Variants in TRAK1 observed in about 807,000 individuals in gnomAD.
TRAK1 encodes trafficking kinesin protein 1, also known as trafficking kinesin-binding protein 1.
TRAK1 carries 33 observed loss-of-function variants against 92.1 expected under a neutral mutation model. The observed-to-expected ratio is 0.36, with a 90% CI of 0.27 to 0.48. The LOEUF is 0.48. TRAK1 is among the 20% of genes least tolerant of loss of function. The pLI is 0.99. For synonymous variants in TRAK1, 521 were observed against 517.3 expected, an observed-to-expected ratio of 1.01 and a Z score of -0.10; for missense variants, 1,123 against 1,257.9, an observed-to-expected ratio of 0.89 and a Z score of 1.62.
chr3:42,185,765 G>T (rs1438958541), intron 4 of TRAK1, among the ~76,000 whole-genome samples: 2 of 146,544 alleles, frequency 1.4e-5, no homozygotes, highest in Admixed American at 1.4e-4. Flanking sequence ...TCCACCCCCC[G>T]AGTTCAAGCT....
chr3:42,209,747 C>T lies in TRAK1; in HGVS notation c.1745-20C>T, dbSNP rs1190680061. The T allele has an allele frequency of 1.9e-6, 3 of 1,609,450 alleles. No individual in the cohort carries two copies. The highest frequency in any genetic ancestry group is 2.5e-6 in the Non-Finnish European group (3 of 1,176,498). The stretch of plus-strand genomic sequence containing the variant: ...TCTCTTCTCCTTGTCCCCCTTCTTC[C>T]CTTCCCTTTCTCCTGCAAGGTTCCG... On this transcript the variant is annotated intron_variant, in intron 13 of 15. Transcript: ENST00000327628.
intron 1 of TRAK1, among the ~76,000 whole-genome samples, chr3:42,106,086 C>T (rs1206184838): frequency 6.6e-6 from 1 of 152,182 alleles, no homozygotes. Context: ...TAAAGACCAT[C>T]AATGCTAGGA....
chr3:42,031,593 A>G (rs1702149951), intron 1 of TRAK1, among the ~76,000 whole-genome samples: 2 of 151,498 alleles, frequency 1.3e-5, no homozygotes, highest in South Asian at 2.1e-4. Flanking sequence ...TGATTGTGCT[A>G]CTGTACTCCA....
chr3:42,015,415 C>A (rs1400494065), intron 1 of TRAK1, among the ~76,000 whole-genome samples: 1 of 152,054 alleles, frequency 6.6e-6, no homozygotes, highest in African/African-American at 2.4e-5. Context: ...CCAGCGCTCG[C>A]TTGAGGGTGT....
chr3:42,079,241 G>C (rs539204205), intron 1 of TRAK1, among the ~76,000 whole-genome samples: 1 of 152,218 alleles, frequency 6.6e-6, no homozygotes, highest in African/African-American at 2.4e-5. Context: ...GTCCCTTTTT[G>C]AAAACTTTTG....
At chr3:42,035,987 C>T (rs1459690200) in intron 1 of TRAK1, among the ~76,000 whole-genome samples, 1 of 152,230 alleles carries the variant, frequency 6.6e-6, no homozygotes, top group Non-Finnish European at 1.5e-5. Flanking sequence ...TAAGTCAGAC[C>T]TACGGTTGGC....
intron 15 of TRAK1, 58 bp downstream of exon 15, chr3:42,219,654 C>T: frequency 1.3e-6 from 2 of 1,588,178 alleles, no homozygotes; most frequent in Non-Finnish European, 1.7e-6. Flanking sequence ...GCACTCCCTT[C>T]CCTGCAAGGC....
chr3:42,087,599 G>T (rs1382045798), upstream of TRAK1, among the ~76,000 whole-genome samples: 1 of 152,242 alleles, frequency 6.6e-6, no homozygotes, highest in African/African-American at 2.4e-5. Flanking sequence ...TTTGTAACTT[G>T]TGTCAGTTGT....
chr3:42,180,644 A>G lies in TRAK1; in HGVS notation c.363+3754A>G, dbSNP rs994323876. Among the ~76,000 whole-genome samples, 24 of 144,506 alleles carry G rather than the reference A, an allele frequency of 1.7e-4. No individual in the cohort carries two copies. The Admixed American group carries it at 1.7e-3, about 10-fold the overall frequency. The allele number at this position is 144,506 out of a possible 152,430, so 94.8% of individuals were successfully genotyped here. ...TGGTGAGCTGTAATTGTGCCACTGC[A>G]CTCCGGCCTAGGCGATAGAGTGAGA... On this transcript the variant is annotated intron_variant, in intron 3 of 15. Coordinates refer to ENST00000327628, the MANE Select transcript of TRAK1 (RefSeq NM_001042646.3).
chr3:42,053,375 T>TGGGGGGG (rs760432112), intron 1 of TRAK1, among the ~76,000 whole-genome samples: 24 of 50,672 alleles, frequency 4.7e-4, no homozygotes, highest in Non-Finnish European at 7.5e-4. Context: ...CAGAGTCGGG[T>TGGGGGGG]GGGGGGGGGG....
intron 6 of TRAK1, among the ~76,000 whole-genome samples, chr3:42,190,195 C>G (rs1705505619): frequency 6.6e-6 from 1 of 152,176 alleles, no homozygotes; most frequent in Admixed American, 6.5e-5. Context: ...TTTCTGTTCT[C>G]TAGCCGAGGT....
intron 2 of TRAK1, among the ~76,000 whole-genome samples, chr3:42,156,461 T>A (rs1700548986): frequency 6.6e-6 from 1 of 152,162 alleles, no homozygotes; most frequent in African/African-American, 2.4e-5. Flanking sequence ...CCGAAGGGGC[T>A]CCCACTGGCC....
In TRAK1 at chr3:42,128,705, A is replaced by G. The variant is rs144941075; in HGVS notation, c.286+3091A>G. Among the ~76,000 whole-genome samples, 572 of 152,388 alleles carry G rather than the reference A, an allele frequency of 3.8e-3. 5 individuals are homozygous for G. The highest frequency in any genetic ancestry group is 0.024 in the Admixed American group (365 of 15,308). ...TAGCAGGACCTGTGATATTGTCACC[A>G]GTAGAAATCACAGATATTTTCATGT... On this transcript the variant is annotated intron_variant, in intron 2 of 15. Transcript: ENST00000327628.
chr3:42,203,738 A>AAAAC (rs1656793550), intron 13 of TRAK1: 1 of 973,176 alleles, frequency 1.0e-6, no homozygotes, highest in Non-Finnish European at 1.2e-6. Context: ...CCCTCTAAGG[A>AAAAC]GCCTTCTTAG....
upstream of TRAK1, among the ~76,000 whole-genome samples, chr3:42,084,497 C>G (rs542740559): frequency 1.3e-5 from 2 of 152,350 alleles, no homozygotes; most frequent in East Asian, 1.9e-4. Flanking sequence ...TGCACTGATT[C>G]TAGTCAGCAA....
intron 2 of TRAK1, among the ~76,000 whole-genome samples, chr3:42,135,558 C>T (rs559774461): frequency 1.6e-4 from 25 of 152,224 alleles, no homozygotes; most frequent in African/African-American, 5.5e-4. Context: ...GAGACCCCAT[C>T]TCTACAAAAA....
chr3:42,159,021 C>T (rs1700918729), intron 2 of TRAK1, among the ~76,000 whole-genome samples: 1 of 150,042 alleles, frequency 6.7e-6, no homozygotes, highest in African/African-American at 2.5e-5. Context: ...TGCATATGTC[C>T]TTAGACTTTT....
intron 1 of TRAK1, among the ~76,000 whole-genome samples, chr3:42,047,917 CTTTTCTTTTT>C (rs1702821319): frequency 8.7e-6 from 1 of 115,274 alleles, no homozygotes; most frequent in Admixed American, 8.6e-5. Flanking sequence ...CCCATAGTTT[CTTTTCTTTTT>C]TTTTTTTTTT....
At chr3:42,121,450 A>G (rs1236024583) in intron 1 of TRAK1, among the ~76,000 whole-genome samples, 1 of 151,588 alleles carries the variant, frequency 6.6e-6, no homozygotes, top group African/African-American at 2.4e-5. Flanking sequence ...TAGTAGAAAC[A>G]GGGTTTCACC....
Sources: allele counts gnomAD v4.1 joint callset (sites outside exome capture counted in the v4.1 genomes callset), GRCh38; gene constraint gnomAD v4.1.1; transcripts MANE v1.5; gene names NCBI Gene and HGNC (gene_info 2026-07-23, HGNC 2026-07-21).